The following GNAI3 variants were observed in gnomAD, a reference collection of about 807,000 sequenced individuals.
GNAI3 encodes guanine nucleotide-binding protein G(i) subunit alpha-3.
Under a neutral mutation model 41.8 loss-of-function variants are expected in GNAI3, and 12 were observed. The ratio of observed to expected loss-of-function variants is 0.29; its 90% CI spans 0.18 to 0.47. GNAI3 has a LOEUF of 0.47. Among genes scored for constraint, GNAI3 ranks in the 20% least tolerant of loss-of-function variants. The pLI is 1.00. For missense variants in GNAI3, 360 were observed against 429.6 expected (o/e 0.84, Z 1.43); for synonymous variants, 132 against 146.5 (o/e 0.90, Z 0.71).
chr1:109,560,274 A>G (rs1219339752), intron 1 of GNAI3, among the ~76,000 whole-genome samples: 4 of 152,224 alleles, frequency 2.6e-5, no homozygotes. Context: ...AATACAAAAC[A>G]TCTGTTTCTT....
At chr1:109,590,608 C>G (rs1255621106) in intron 7 of GNAI3, among the ~76,000 whole-genome samples, 1 of 150,870 alleles carries the variant, frequency 6.6e-6, no homozygotes, top group Non-Finnish European at 1.5e-5. Context: ...CAGTGTCTTG[C>G]TCTGTCTCCC....
At chr1:109,586,564 A>G (rs960875707) in intron 6 of GNAI3, among the ~76,000 whole-genome samples, 165 bp from the exon 7 acceptor site, 9 of 152,300 alleles carry the variant, frequency 5.9e-5, no homozygotes, top group African/African-American at 2.2e-4. Flanking sequence ...CTCTCCCCCA[A>G]AAATTACAAA....
chr1:109,589,840 A>C (rs1194869026), intron 7 of GNAI3, among the ~76,000 whole-genome samples: 1 of 152,202 alleles, frequency 6.6e-6, no homozygotes, highest in Non-Finnish European at 1.5e-5. Context: ...AAAGGGAGTG[A>C]TTACTTAATG....
At position 109,593,376 on chromosome 1, in the gene GNAI3, T is replaced by C. The variant is rs1649217573; in HGVS notation, c.*1054T>C. 1 of 152,796 alleles carries C rather than the reference T, an allele frequency of 6.5e-6. No homozygotes were observed. Among genetic ancestry groups the C allele is most frequent in the Non-Finnish European group, 1.5e-5 (1 of 68,028 alleles). 9.5% of individuals were successfully genotyped at this position (152,796 alleles called of 1,614,324 possible). A position where few individuals can be genotyped will look rare whatever the true frequency, so the allele number is the denominator to read the frequency against. Reference sequence around the variant, plus strand: ...TTTGCCATCGTTTTTACTGTACCGATGTTAACTGTAGTAATCCTTAGCCAG... The same window carrying C: ...TTTGCCATCGTTTTTACTGTACCGACGTTAACTGTAGTAATCCTTAGCCAG... On this transcript the variant is annotated 3_prime_UTR_variant, in exon 9 of 9. Coordinates refer to ENST00000369851, the MANE Select transcript of GNAI3 (RefSeq NM_006496.4).
At chr1:109,587,594 C>T (rs1249160330) in intron 7 of GNAI3, among the ~76,000 whole-genome samples, 2 of 151,856 alleles carry the variant, frequency 1.3e-5, no homozygotes, top group African/African-American at 4.8e-5. Flanking sequence ...GTTGTGGAAC[C>T]CAGAAGGAAT....
chr1:109,554,277 A>G (rs948734773), intron 1 of GNAI3, among the ~76,000 whole-genome samples: 1 of 152,162 alleles, frequency 6.6e-6, no homozygotes, highest in Non-Finnish European at 1.5e-5. Context: ...AATGGTAGAT[A>G]TACTTTTAGT....
intron 1 of GNAI3, among the ~76,000 whole-genome samples, chr1:109,571,678 G>A (rs1648600108): frequency 6.6e-6 from 1 of 152,200 alleles, no homozygotes; most frequent in African/African-American, 2.4e-5. Context: ...AGCATTTTGG[G>A]AGGCCGAGGC....
At chr1:109,566,857 C>A (rs1364159531) in intron 1 of GNAI3, among the ~76,000 whole-genome samples, 1 of 152,194 alleles carries the variant, frequency 6.6e-6, no homozygotes, top group African/African-American at 2.4e-5. Flanking sequence ...GCCACCGCAC[C>A]TGGCCTGAAA....
chr1:109,597,400 T>C lies in GNAI3; in HGVS notation c.*5078T>C. 1 of 152,382 alleles carries C rather than the reference T, an allele frequency of 6.6e-6. No individual in the cohort carries two copies. The allele number at this position is 152,382 out of a possible 1,614,324, so 9.4% of individuals were successfully genotyped here. Reference sequence around the variant, plus strand: ...TCGCTTGAACCTGGGAGGCAGAGGTTGCAGTGAGCCGAGATCGCACCACTG... The same window carrying C: ...TCGCTTGAACCTGGGAGGCAGAGGTCGCAGTGAGCCGAGATCGCACCACTG... On this transcript the variant is annotated 3_prime_UTR_variant, in exon 9 of 9. Coordinates refer to ENST00000369851, the MANE Select transcript of GNAI3 (RefSeq NM_006496.4).
intron 1 of GNAI3, among the ~76,000 whole-genome samples, chr1:109,571,278 T>C (rs989562905): frequency 6.6e-6 from 1 of 152,128 alleles, no homozygotes; most frequent in African/African-American, 2.4e-5. Context: ...AAATCTAATA[T>C]CAGGTAGATG....
At chr1:109,587,299 G>A (rs493821) in intron 7 of GNAI3, among the ~76,000 whole-genome samples, 3,468 of 152,142 alleles carry the variant, frequency 0.023, 108 homozygotes, top group African/African-American at 0.073. Context: ...GAAAATACAA[G>A]GGTAAATTTT....
At chr1:109,588,807 C>T (rs6696082) in intron 7 of GNAI3, among the ~76,000 whole-genome samples, 10,779 of 151,384 alleles carry the variant, frequency 0.071, 1,064 homozygotes, top group African/African-American at 0.22. Context: ...GCAGGAGAAT[C>T]GCTTGAACCC....
intron 1 of GNAI3, among the ~76,000 whole-genome samples, chr1:109,564,543 C>G (rs974554364): frequency 1.3e-5 from 2 of 152,132 alleles, no homozygotes; most frequent in African/African-American, 4.8e-5. Context: ...CCTTGTTGTG[C>G]ATGAAGCTCT....
In GNAI3 at chr1:109,582,573, A is replaced by C. The variant is rs1648922964; in HGVS notation, c.590+8A>C. ...CAAAGACCTATACTTCAAGTAAGTC[A>C]TTAGCCTTTTTGCTAGGTGTGCCAA... On this transcript the variant is annotated splice_region_variant and intron_variant, in intron 5 of 8. Coordinates refer to ENST00000369851, the MANE Select transcript of GNAI3 (RefSeq NM_006496.4). 1 of 1,600,850 alleles carries C rather than the reference A, an allele frequency of 6.2e-7. No homozygotes were observed. Among genetic ancestry groups the C allele is most frequent in the African/African-American group, 1.3e-5 (1 of 74,808 alleles).
intron 5 of GNAI3, among the ~76,000 whole-genome samples, chr1:109,584,994 C>G (rs1022169315): frequency 1.3e-5 from 2 of 152,200 alleles, no homozygotes; most frequent in African/African-American, 4.8e-5. Context: ...GCAAGATCAA[C>G]CCAAAGGAAG....
At chr1:109,579,868 C>G (rs1466315268) in intron 4 of GNAI3, among the ~76,000 whole-genome samples, 1 of 152,084 alleles carries the variant, frequency 6.6e-6, no homozygotes, top group Non-Finnish European at 1.5e-5. Flanking sequence ...GTTGAAGTAT[C>G]TTTTTGTCAA....
At chr1:109,569,227 C>G (rs1468488230) in intron 1 of GNAI3, among the ~76,000 whole-genome samples, 2 of 152,140 alleles carry the variant, frequency 1.3e-5, no homozygotes, top group African/African-American at 4.8e-5. Context: ...ACTTTTTCTC[C>G]CCTGTGTATC....
chr1:109,565,127 G>C (rs1168098874), intron 1 of GNAI3, among the ~76,000 whole-genome samples: 1 of 152,022 alleles, frequency 6.6e-6, no homozygotes, highest in Non-Finnish European at 1.5e-5. Flanking sequence ...GACCTGGCGT[G>C]GTGGCAGGCA....
chr1:109,555,972 GTGTGTGTGTGTGTGTGTGTGTGTGTGTT>G (rs1421259771), intron 1 of GNAI3, among the ~76,000 whole-genome samples: 138 of 147,770 alleles, frequency 9.3e-4, no homozygotes, highest in African/African-American at 3.3e-3. Flanking sequence ...GCGTGTGTGT[GTGTGTGTGTGTGTGTGTGTGTGTGTGTT>G]TGTGTGTGTT....
Sources: gnomAD v4.1 joint callset for allele counts (sites outside exome capture counted in the v4.1 genomes callset) on GRCh38, gnomAD v4.1.1 for gene constraint, MANE v1.5 for transcripts, NCBI Gene and HGNC (gene_info 2026-07-23, HGNC 2026-07-21) for gene names.